The following ADAM12 variants were observed in gnomAD, a reference collection of about 807,000 sequenced individuals.
ADAM12 encodes disintegrin and metalloproteinase domain-containing protein 12.
In ADAM12, 70 loss-of-function variants were observed where a neutral mutation model predicts 106.4. The observed-to-expected ratio is 0.66, with a 90% CI of 0.54 to 0.80. ADAM12 has a LOEUF of 0.80. ADAM12 is among the 30% of genes least tolerant of loss of function. ADAM12 has a pLI of 0.00. For missense variants in ADAM12, 1,010 were observed against 1,171.9 expected, an observed-to-expected ratio of 0.86 and a Z score of 2.02; for synonymous variants, 420 against 433.5, an observed-to-expected ratio of 0.97 and a Z score of 0.39.
chr10:126,377,060 G>T (rs1590842816), intron 1 of ADAM12, among the ~76,000 whole-genome samples: 1 of 152,194 alleles, frequency 6.6e-6, no homozygotes, highest in East Asian at 1.9e-4. Flanking sequence ...GAGGTTTCCT[G>T]TGATGTGTCA....
intron 1 of ADAM12, among the ~76,000 whole-genome samples, chr10:126,343,391 G>C (rs1367875683): frequency 1.3e-5 from 2 of 152,128 alleles, no homozygotes; most frequent in African/African-American, 2.4e-5. Flanking sequence ...GTATTCCATG[G>C]TGTATATGTG....
rs10901523 is a variant in ADAM12, at chr10:126,043,318, G to T, written c.1996-170C>A. 0.13 allele frequency among the ~76,000 whole-genome samples: 19,924 copies of T among 152,138 alleles called. 1,431 individuals carry two copies. The highest frequency in any genetic ancestry group is 0.28 in the Middle Eastern group (83 of 294). On this transcript the variant is annotated intron_variant, in intron 17 of 22. Coordinates refer to ENST00000448723, the MANE Select transcript of ADAM12 (RefSeq NM_001288973.2). This position sits in a 1 kb window ranked among gnomAD's most constrained non-coding sequence, Gnocchi z 4.1. ...AAGCCGGCACTACACACCACACAGGGGCGACCAAACCTGAGGCTGTGAAGA... is the reference window on the plus strand; with the variant it reads ...AAGCCGGCACTACACACCACACAGGTGCGACCAAACCTGAGGCTGTGAAGA...
intron 3 of ADAM12, among the ~76,000 whole-genome samples, chr10:126,165,741 T>G (rs897043664): frequency 2.6e-5 from 4 of 152,190 alleles, no homozygotes; most frequent in Non-Finnish European, 5.9e-5. Flanking sequence ...ATTCCGTATT[T>G]TTCTGAAATA....
chr10:126,017,800 C>A, intron 22 of ADAM12, among the ~76,000 whole-genome samples: 1 of 152,254 alleles, frequency 6.6e-6, no homozygotes, highest in South Asian at 2.1e-4. Context: ...CTCCAGAGAA[C>A]AGGGAGCAAA....
intron 3 of ADAM12, among the ~76,000 whole-genome samples, chr10:126,242,606 A>G (rs1009360513): frequency 3.3e-5 from 5 of 152,230 alleles, no homozygotes; most frequent in Non-Finnish European, 5.9e-5. Flanking sequence ...GGTCCTCCAC[A>G]ACGCCCCTGA....
intron 3 of ADAM12, among the ~76,000 whole-genome samples, chr10:126,246,607 C>T (rs970586927): frequency 6.6e-6 from 1 of 152,176 alleles, no homozygotes; most frequent in African/African-American, 2.4e-5. Flanking sequence ...TGTGATTCAT[C>T]ACATAAACAG....
At chr10:126,324,612 G>A (rs1854225178) in intron 2 of ADAM12, among the ~76,000 whole-genome samples, 2 of 152,184 alleles carry the variant, frequency 1.3e-5, no homozygotes, top group South Asian at 4.1e-4. Flanking sequence ...GGCAGTGGTA[G>A]ACAGCAGAAA....
chr10:126,120,027 A>G (rs2133626415), intron 5 of ADAM12, among the ~76,000 whole-genome samples: 1 of 152,324 alleles, frequency 6.6e-6, no homozygotes, highest in Non-Finnish European at 1.5e-5. Flanking sequence ...TAGCGAGGTG[A>G]CCACTATCTC....
intron 2 of ADAM12, among the ~76,000 whole-genome samples, chr10:126,327,852 A>C (rs536418815): frequency 5.3e-4 from 80 of 152,284 alleles, no homozygotes; most frequent in African/African-American, 1.9e-3. Flanking sequence ...ACAGGCTACT[A>C]CTTCCACAGT....
intron 16 of ADAM12, among the ~76,000 whole-genome samples, chr10:126,047,443 A>G (rs1954357539): frequency 6.6e-6 from 1 of 152,222 alleles, no homozygotes; most frequent in African/African-American, 2.4e-5. Flanking sequence ...CCTCATGGGA[A>G]TCACTGCGGA....
intron 2 of ADAM12, among the ~76,000 whole-genome samples, chr10:126,311,043 G>A (rs1032853266): frequency 4.7e-5 from 7 of 150,402 alleles, no homozygotes; most frequent in South Asian, 2.1e-4. Context: ...TAAATCTCCT[G>A]CCCACCTTTT....
intron 1 of ADAM12, among the ~76,000 whole-genome samples, chr10:126,338,245 C>CTTTTTTTTTT (rs1854780488): frequency 9.4e-6 from 1 of 106,348 alleles, no homozygotes. Flanking sequence ...CAGTAACTTA[C>CTTTTTTTTTT]ATTTTTTTTT....
chr10:126,301,947 T>A (rs1023539851), intron 2 of ADAM12, among the ~76,000 whole-genome samples: 3 of 152,192 alleles, frequency 2.0e-5, no homozygotes, highest in Non-Finnish European at 4.4e-5. Flanking sequence ...GGAACATATA[T>A]GGGTAGCATG....
chr10:126,302,591 G>A (rs906093650), intron 2 of ADAM12, among the ~76,000 whole-genome samples: 8 of 152,142 alleles, frequency 5.3e-5, no homozygotes, highest in Non-Finnish European at 4.4e-5. Flanking sequence ...AGGGGAGGAC[G>A]TCTGAAGAGC....
At chr10:126,212,236 T>C (rs771014680) in intron 3 of ADAM12, among the ~76,000 whole-genome samples, 5 of 152,214 alleles carry the variant, frequency 3.3e-5, no homozygotes, top group East Asian at 1.9e-4. Context: ...GTTTCATCTA[T>C]AGATGTGAAA....
At chr10:126,259,922 G>T (rs80314400) in intron 3 of ADAM12, among the ~76,000 whole-genome samples, 4,442 of 152,284 alleles carry the variant, frequency 0.029, 102 homozygotes, top group Non-Finnish European at 0.047. Context: ...GTCTGGTTTA[G>T]GTGTCTGTCA....
chr10:126,019,815 T>C lies in ADAM12; in HGVS notation c.2540A>G (p.Lys847Arg), dbSNP rs112322315. The stretch of plus-strand genomic sequence containing the variant: ...CAGAGGCTTCTGAGGGGGGTTTGGC[T>C]TACAGGTCCCCTGCAATAAACATAG... ...PALRQAQGTC[K>R]PNPPQKPLPA... is the part of the protein sequence containing the mutation. Residue 847 changes from lysine to arginine, a missense_variant, in exon 22 of 23, where the codon AAG (lysine) becomes AGG (arginine). By Grantham distance (26) the Lys-to-Arg change is conservative (BLOSUM62 2). This residue lies in a region of ADAM12 where 615 missense variants were observed against 708.5 expected (regional missense o/e 0.87). Coordinates refer to ENST00000448723, the MANE Select transcript of ADAM12 (RefSeq NM_001288973.2). The C allele has an allele frequency of 6.2e-7, 1 of 1,613,640 alleles. No homozygotes were observed. Among genetic ancestry groups the C allele is most frequent in the Non-Finnish European group, 8.5e-7 (1 of 1,179,824 alleles).
intron 3 of ADAM12, among the ~76,000 whole-genome samples, chr10:126,159,075 C>T (rs1157781939): frequency 6.6e-6 from 1 of 152,000 alleles, no homozygotes; most frequent in African/African-American, 2.4e-5. Flanking sequence ...TTTGGGAGGC[C>T]AAGGCGGGCA....
chr10:126,190,875 G>A (rs993862195), intron 3 of ADAM12, among the ~76,000 whole-genome samples: 6 of 152,020 alleles, frequency 3.9e-5, no homozygotes, highest in East Asian at 1.9e-4. Context: ...GTTAGAGCAC[G>A]CAGCAGGTGG....
Sources: allele counts gnomAD v4.1 joint callset (sites outside exome capture counted in the v4.1 genomes callset), GRCh38; gene constraint gnomAD v4.1.1; regional missense constraint gnomAD v4.1.1; non-coding constraint Gnocchi (gnomAD v3.1); transcripts MANE v1.5; gene names NCBI Gene and HGNC (gene_info 2026-07-23, HGNC 2026-07-21).